The following ZBED4 variants were observed in gnomAD, a reference collection of about 807,000 sequenced individuals.
The protein encoded by ZBED4 is zinc finger BED domain-containing protein 4.
ZBED4 carries 4 observed loss-of-function variants against 15.5 expected under a neutral mutation model. The observed-to-expected ratio is 0.26, with a 90% CI of 0.13 to 0.59. ZBED4 has a LOEUF of 0.59. Among genes scored for constraint, ZBED4 ranks in the 20% least tolerant of loss-of-function variants. The probability of loss-of-function intolerance (pLI) is 0.90; values close to 1 mark genes in which losing one functional copy is unlikely to be tolerated. For missense variants in ZBED4, 1,323 were observed against 1,461.8 expected (o/e 0.91, Z 1.55); for synonymous variants, 692 against 608.5 (o/e 1.14, Z -2.02).
chr22:49,858,872 C>T (rs538264344), intron 1 of ZBED4, among the ~76,000 whole-genome samples: 15 of 152,292 alleles, frequency 9.8e-5, no homozygotes, highest in African/African-American at 2.6e-4. Flanking sequence ...CCGGTGCCCC[C>T]GGAGCACCCC....
Position 49,884,197 on chromosome 22 carries a change from G to A in ZBED4, c.535G>A (p.Val179Met), listed in dbSNP as rs374708587. 116 of 1,607,628 alleles carry A rather than the reference G, an allele frequency of 7.2e-5. No individual in the cohort carries two copies. The Middle Eastern group carries it at 8.3e-4, about 11-fold the overall frequency. Residue 179 changes from valine to methionine, a missense_variant, in exon 2 of 2, where the codon GTG becomes ATG. Physicochemically the swap from Val to Met is conservative, Grantham distance 21 (BLOSUM62 1). This residue lies in a region of ZBED4 where 380 missense variants were observed against 413.7 expected (regional missense o/e 0.92). Coordinates refer to ENST00000216268, the MANE Select transcript of ZBED4 (RefSeq NM_014838.3). ...LIQENGSVSA[V>M]SSFPSPSLLL... ...TCAGGAAAATGGCAGTGTGTCTGCC[G>A]TGTCCTCGTTCCCCTCTCCCTCACT...
chr22:49,876,363 T>C (rs1016030774), intron 1 of ZBED4, among the ~76,000 whole-genome samples: 1 of 152,222 alleles, frequency 6.6e-6, no homozygotes, highest in Admixed American at 6.5e-5. Context: ...ACTTATTGAA[T>C]AGTTCTGTGG....
intron 1 of ZBED4, among the ~76,000 whole-genome samples, chr22:49,878,457 A>G (rs1402115120): frequency 2.0e-5 from 3 of 152,222 alleles, no homozygotes; most frequent in African/African-American, 7.2e-5. Flanking sequence ...ATCCACACAT[A>G]TGCGAGCAAC....
Position 49,885,430 on chromosome 22 carries a change from A to C in ZBED4, c.1768A>C (p.Lys590Gln). The change falls in exon 2 of 2, where the codon AAG becomes CAG. Residue 590 changes from lysine (K) to glutamine (Q), a missense_variant. Lys to Gln is a moderately conservative substitution (Grantham distance 53, BLOSUM62 1). This residue lies in a region of ZBED4 where 429 missense variants were observed against 397.9 expected (regional missense o/e 1.08). Transcript: ENST00000216268. The part of the protein sequence containing the change: ...LHCGRTISRG[K>Q]KPTNLGTSCL... ...CTGTGGCCGGACCATCAGCCGGGGG[A>C]AGAAGCCGACTAACTTGGGTACCAG... The C allele has an allele frequency of 6.2e-7, 1 of 1,609,276 alleles. No homozygotes were observed. Among genetic ancestry groups the C allele is most frequent in the South Asian group, 1.1e-5 (1 of 91,020 alleles).
At chr22:49,862,990 C>T (rs2060304395) in intron 1 of ZBED4, among the ~76,000 whole-genome samples, 1 of 152,102 alleles carries the variant, frequency 6.6e-6, no homozygotes. Context: ...GTGTGAGCCA[C>T]CGCACCCGGC....
chr22:49,887,353 C>A lies in ZBED4; in HGVS notation c.*175C>A. The A allele has an allele frequency of 1.8e-6, 1 of 567,932 alleles. No individual in the cohort carries two copies. The highest frequency in any genetic ancestry group is 3.0e-6 in the Non-Finnish European group (1 of 334,540). The allele number at this position is 567,932 out of a possible 1,614,324, so 35.2% of individuals were successfully genotyped here. A position where few individuals can be genotyped will look rare whatever the true frequency, so the allele number is the denominator to read the frequency against. ...GTGCCTTACCCCTTCTCCTTCAGGC[C>A]AAGTTTCGCGGGGTGTTTTATTAAG... On this transcript the variant is annotated 3_prime_UTR_variant, in exon 2 of 2. Coordinates refer to ENST00000216268, the MANE Select transcript of ZBED4 (RefSeq NM_014838.3).
At chr22:49,856,076 C>G (rs2060273690) in intron 1 of ZBED4, among the ~76,000 whole-genome samples, 1 of 152,246 alleles carries the variant, frequency 6.6e-6, no homozygotes, top group Non-Finnish European at 1.5e-5. Flanking sequence ...CTGCTCCCCA[C>G]TTTTTAGCAC....
intron 1 of ZBED4, among the ~76,000 whole-genome samples, chr22:49,882,756 C>G (rs955232267): frequency 1.3e-5 from 2 of 152,218 alleles, no homozygotes; most frequent in Non-Finnish European, 2.9e-5. Context: ...CGCAGCATCA[C>G]TTGGGGACGG....
Position 49,883,569 on chromosome 22 carries a change from A to T in ZBED4, c.-94A>T. 1 of 1,428,676 alleles carries T rather than the reference A, an allele frequency of 7.0e-7. No individual in the cohort carries two copies. Among genetic ancestry groups the T allele is most frequent in the Non-Finnish European group, 9.2e-7 (1 of 1,082,446 alleles). 88.5% of individuals were successfully genotyped at this position (1,428,676 alleles called of 1,614,324 possible). On this transcript the variant is annotated 5_prime_UTR_variant, in exon 2 of 2. Transcript: ENST00000216268. ...ATCCTGAAAGATGGAATTATGACGA[A>T]AAAGTGAAGATAATCTACATTCGGG...
intron 1 of ZBED4, among the ~76,000 whole-genome samples, chr22:49,864,936 A>AG (rs2060313432): frequency 7.0e-5 from 1 of 14,206 alleles, no homozygotes; most frequent in Non-Finnish European, 1.1e-4. Flanking sequence ...TATCCCAGCA[A>AG]GCCCCCCCCC....
chr22:49,871,987 G>A (rs560224950), intron 1 of ZBED4, among the ~76,000 whole-genome samples: 16 of 151,906 alleles, frequency 1.1e-4, no homozygotes, highest in Non-Finnish European at 2.1e-4. Flanking sequence ...CTCGTGATCC[G>A]CCTGCCTCGG....
At chr22:49,876,179 G>T (rs1159684094) in intron 1 of ZBED4, among the ~76,000 whole-genome samples, 1 of 151,986 alleles carries the variant, frequency 6.6e-6, no homozygotes, top group Non-Finnish European at 1.5e-5. Context: ...ATGTATTGAG[G>T]TTTGCTTTAT....
chr22:49,877,897 A>G (rs1434702577), intron 1 of ZBED4, among the ~76,000 whole-genome samples: 1 of 152,186 alleles, frequency 6.6e-6, no homozygotes, highest in Non-Finnish European at 1.5e-5. Context: ...TGTTGCGTGT[A>G]TCCATTCATT....
rs148554740 is a variant in ZBED4, at chr22:49,884,244, G to A, written c.582G>A (p.Ala194=). ...CACTCCTGCTTCCACCACAGCCTGC[G>A]GACGCGGGTGACCTCAGCACCATCC... ...SPSLLLPPQP[A]DAGDLSTILS... is the part of the protein sequence containing the mutation. The change falls in exon 2 of 2, where the codon GCG becomes GCA. Residue 194 remains alanine, a synonymous_variant. Transcript: ENST00000216268. 41 of 1,602,040 alleles carry A rather than the reference G, an allele frequency of 2.6e-5. No individual in the cohort carries two copies. The African/African-American group carries it at 3.7e-4, about 15-fold the overall frequency.
At chr22:49,876,698 C>T (rs1042264735) in intron 1 of ZBED4, among the ~76,000 whole-genome samples, 7 of 152,070 alleles carry the variant, frequency 4.6e-5, no homozygotes, top group East Asian at 1.9e-4. Flanking sequence ...GCGTTTACCC[C>T]GAGATAAGTT....
Position 49,884,550 on chromosome 22 carries a change from G to A in ZBED4, c.888G>A (p.Leu296=). 6.2e-7 allele frequency: 1 copy of A among 1,613,526 alleles called. No individual in the cohort carries two copies. Among genetic ancestry groups the A allele is most frequent in the Non-Finnish European group, 8.5e-7 (1 of 1,179,718 alleles). The change falls in exon 2 of 2, where the codon CTG becomes CTA. Residue 296 remains leucine, a synonymous_variant. Transcript: ENST00000216268. Reference sequence around the variant, plus strand: ...CCGCTGTCTGGAAGCACTTCTACCTGTCGCCACTGGACAACTCCAAAGCTG... The same window carrying A: ...CCGCTGTCTGGAAGCACTTCTACCTATCGCCACTGGACAACTCCAAAGCTG... ...RRSAVWKHFY[L]SPLDNSKAVC...
rs187563827 is a variant in ZBED4 at position 49,855,325 on chromosome 22, C to T, written c.-330+1336C>T. Among the ~76,000 whole-genome samples the T allele has an allele frequency of 3.0e-4, 45 of 152,204 alleles. 2 individuals carry two copies. The East Asian group carries it at 8.7e-3, about 29-fold the overall frequency. The stretch of plus-strand genomic sequence containing the variant: ...AACCTAAGACTTTTAGTCCACTTGA[C>T]AGGTGGTTACAGGGTCTCCCCCAAC... On this transcript the variant is annotated intron_variant, in intron 1 of 1. Coordinates refer to ENST00000216268, the MANE Select transcript of ZBED4 (RefSeq NM_014838.3).
chr22:49,864,621 A>G (rs555415844), intron 1 of ZBED4, among the ~76,000 whole-genome samples: 2 of 152,254 alleles, frequency 1.3e-5, no homozygotes, highest in Non-Finnish European at 2.9e-5. Context: ...GTTTGAGACC[A>G]GCCTCAGCAA....
rs2060455750 is a variant in ZBED4, at chr22:49,889,224, C to A, written c.*2046C>A. 1 of 167,068 alleles carries A rather than the reference C, an allele frequency of 6.0e-6. No homozygotes were observed. The highest frequency in any genetic ancestry group is 2.4e-5 in the African/African-American group (1 of 41,456). 10.3% of individuals were successfully genotyped at this position (167,068 alleles called of 1,614,324 possible). A position where few individuals can be genotyped will look rare whatever the true frequency, so the allele number is the denominator to read the frequency against. On this transcript the variant is annotated 3_prime_UTR_variant, in exon 2 of 2. Coordinates refer to ENST00000216268, the MANE Select transcript of ZBED4 (RefSeq NM_014838.3). ...TAGTCCACGATTGGCAAGCTGCAAC[C>A]ACAGACCCAGTCCGGCACTCTGCCC...
Sources: gnomAD v4.1 joint callset for allele counts (sites outside exome capture counted in the v4.1 genomes callset) on GRCh38, gnomAD v4.1.1 for gene constraint, gnomAD v4.1.1 regional missense constraint, MANE v1.5 for transcripts, NCBI Gene and HGNC (gene_info 2026-07-23, HGNC 2026-07-21) for gene names.